The following FUBP1 variants were observed in gnomAD, a reference collection of about 807,000 sequenced individuals.
The protein encoded by FUBP1 is far upstream element-binding protein 1.
Under a neutral mutation model 94.9 loss-of-function variants are expected in FUBP1, and 16 were observed. The ratio of observed to expected loss-of-function variants is 0.17; its 90% confidence interval spans 0.11 to 0.26. The LOEUF (loss-of-function observed/expected upper bound fraction) is 0.26. FUBP1 is among the 10% of genes least tolerant of loss of function. FUBP1 has a pLI of 1.00. For missense variants in FUBP1, 583 were observed against 808.6 expected (o/e 0.72, Z 3.38); for synonymous variants, 279 against 254.9 (o/e 1.09, Z -0.90).
chr1:77,958,521 T>C (rs1239490199), intron 16 of FUBP1, among the ~76,000 whole-genome samples: 2 of 152,218 alleles, frequency 1.3e-5, no homozygotes, highest in African/African-American at 4.8e-5. Flanking sequence ...ATATAAGCAA[T>C]ATCCACCCCC....
intron 18 of FUBP1, 105 bp downstream of exon 18, chr1:77,955,150 T>C (rs909454167): frequency 4.9e-6 from 3 of 618,382 alleles, no homozygotes; most frequent in Admixed American, 6.6e-5. Flanking sequence ...ACTGTCTTGA[T>C]ATGTTTACAA....
chr1:77,952,230 C>T lies in FUBP1; in HGVS notation c.1781-2930G>A, dbSNP rs560588562. 2.6e-5 allele frequency among the ~76,000 whole-genome samples: 4 copies of T among 151,922 alleles called. No individual in the cohort carries two copies. The East Asian group carries it at 7.7e-4, about 29-fold the overall frequency. ...CTTCAGCCTGGGCGACAGGGAAAGGCTCCATCTCAAAAAAATAAAATAAAA... is the reference window on the plus strand; with the variant it reads ...CTTCAGCCTGGGCGACAGGGAAAGGTTCCATCTCAAAAAAATAAAATAAAA... On this transcript the variant is annotated intron_variant, in intron 18 of 19. Coordinates refer to ENST00000370768, the MANE Select transcript of FUBP1 (RefSeq NM_003902.5).
chr1:77,959,367 A>G (rs1342611418), intron 16 of FUBP1, among the ~76,000 whole-genome samples: 2 of 152,304 alleles, frequency 1.3e-5, no homozygotes, highest in East Asian at 3.9e-4. Flanking sequence ...GAAAATAATT[A>G]AACGTATTTG....
chr1:77,963,863 T>A (rs116034470), intron 12 of FUBP1, 148 bp from the exon 13 acceptor site: 8 of 727,910 alleles, frequency 1.1e-5, no homozygotes, highest in African/African-American at 7.1e-5. Flanking sequence ...TAACATTTTT[T>A]AAAATACAAG....
chr1:77,978,844 A>AC, intron 1 of FUBP1, 41 bp downstream of exon 1: 2 of 1,612,732 alleles, frequency 1.2e-6, no homozygotes, highest in Non-Finnish European at 1.7e-6. Flanking sequence ...GCGGCCAATT[A>AC]CCGTGAGCTT....
chr1:77,979,338 C>A (rs973844765), upstream of FUBP1: 1 of 284,570 alleles, frequency 3.5e-6, no homozygotes, highest in Non-Finnish European at 6.7e-6. Flanking sequence ...GTGATAGTGG[C>A]CAGTTGACTG....
intron 16 of FUBP1, among the ~76,000 whole-genome samples, chr1:77,958,485 T>C (rs981129345): frequency 1.3e-5 from 2 of 152,192 alleles, no homozygotes; most frequent in African/African-American, 4.8e-5. Context: ...CATATAATAT[T>C]AAAACAGTAT....
At position 77,947,982 on chromosome 1, in the gene FUBP1, C is replaced by G. The variant is rs1652533515; in HGVS notation, c.*784G>C. ...ACTACTCATATTCACTATCTGAAAA[C>G]TGTTTAAAATTAGTTATGCCGAAAC... On this transcript the variant is annotated 3_prime_UTR_variant, in exon 20 of 20. Transcript: ENST00000370768. The G allele has an allele frequency of 2.0e-6, 2 of 1,024,882 alleles. No individual in the cohort carries two copies. The highest frequency in any genetic ancestry group is 2.4e-6 in the Non-Finnish European group (2 of 846,666). 63.5% of individuals were successfully genotyped at this position (1,024,882 alleles called of 1,614,324 possible). A position where few individuals can be genotyped will look rare whatever the true frequency, so the allele number is the denominator to read the frequency against.
At chr1:77,955,548 T>G (rs867751588) in intron 17 of FUBP1, 7 of 459,988 alleles carry the variant, frequency 1.5e-5, no homozygotes, top group South Asian at 3.8e-5. Flanking sequence ...GTTTGAAGAC[T>G]GGTTATGTTG....
At position 77,963,564 on chromosome 1, in the gene FUBP1, A is replaced by T. The variant is rs749562183; in HGVS notation, c.1183+10T>A. On this transcript the variant is annotated intron_variant, in intron 13 of 19. Coordinates refer to ENST00000370768, the MANE Select transcript of FUBP1 (RefSeq NM_003902.5). ...ATGTGTTAAAACATTAAGAGTTTAA[A>T]ATACATTGCCTTTTCCTATTATTAA... 6.6e-7 allele frequency: 1 copy of T among 1,514,272 alleles called. No individual in the cohort carries two copies. The highest frequency in any genetic ancestry group is 1.4e-5 in the African/African-American group (1 of 72,970). 93.8% of individuals were successfully genotyped at this position (1,514,272 alleles called of 1,614,324 possible).
intron 16 of FUBP1, among the ~76,000 whole-genome samples, chr1:77,957,694 A>G: frequency 6.6e-6 from 1 of 152,236 alleles, no homozygotes; most frequent in East Asian, 1.9e-4. Flanking sequence ...ATTTCTAGAA[A>G]AAGAAAATTG....
At chr1:77,966,259 G>T (rs927407071) in intron 7 of FUBP1, among the ~76,000 whole-genome samples, 5 of 152,190 alleles carry the variant, frequency 3.3e-5, no homozygotes, top group Non-Finnish European at 5.9e-5. Context: ...AGCTTAAGTG[G>T]GAGAGCGTGG....
chr1:77,964,924 C>G lies in FUBP1; in HGVS notation c.681G>C (p.Gln227His). 1.9e-6 allele frequency: 3 copies of G among 1,613,050 alleles called. No homozygotes were observed. Among genetic ancestry groups the G allele is most frequent in the South Asian group, 1.1e-5 (1 of 91,054 alleles). Residue 227 changes from glutamine (Q) to histidine (H), a missense_variant, in exon 9 of 20, where the codon CAG becomes CAC. Transcript: ENST00000370768. ...TAAGAGGTTTGTCAGCACCAGTGTT[C>G]TGCGGCCCGTCTTGAATCATAACCA... is the stretch of plus-strand genomic sequence containing the variant. ...VKMVMIQDGP[Q>H]NTGADKPLRI...
rs1425699642 is a variant in FUBP1, at chr1:77,965,090, T to C, written c.615A>G (p.Gly205=). 1.2e-6 allele frequency: 2 copies of C among 1,611,284 alleles called. No homozygotes were observed. The highest frequency in any genetic ancestry group is 1.7e-6 in the Non-Finnish European group (2 of 1,177,726). The change falls in exon 8 of 20, where the codon GGA becomes GGG. Residue 205 remains glycine, a synonymous_variant. Transcript: ENST00000370768. ...SKAGLVIGKG[G]ETIKQLQERA... Reference sequence around the variant, plus strand: ...ATACCTGAAGCTGTTTAATAGTTTCTCCCCCTTTTCCAATGACTAATCCTG... The same window carrying C: ...ATACCTGAAGCTGTTTAATAGTTTCCCCCCCTTTTCCAATGACTAATCCTG...
In FUBP1 at chr1:77,947,855, T is replaced by C. The variant is rs766238694; in HGVS notation, c.*911A>G. The stretch of plus-strand genomic sequence containing the variant: ...GGCAGATGCAATGTAGCTATACTTT[T>C]TGCACACTATTCACTTTTCTATCCT... On this transcript the variant is annotated 3_prime_UTR_variant, in exon 20 of 20. Transcript: ENST00000370768. The C allele has an allele frequency of 8.9e-6, 10 of 1,117,394 alleles. No homozygotes were observed. In the Admixed American group the frequency reaches 3.0e-4, roughly 34 times the overall value. The allele number at this position is 1,117,394 out of a possible 1,614,324, so 69.2% of individuals were successfully genotyped here.
At chr1:77,952,648 T>G (rs1558024369) in intron 18 of FUBP1, among the ~76,000 whole-genome samples, 1 of 152,310 alleles carries the variant, frequency 6.6e-6, no homozygotes, top group East Asian at 1.9e-4. Flanking sequence ...CTGAACCAAG[T>G]TTTATGCTTT....
At chr1:77,964,188 T>A in intron 11 of FUBP1, 26 bp from the exon 12 acceptor site, 1 of 1,561,244 alleles carries the variant, frequency 6.4e-7, no homozygotes, top group Non-Finnish European at 8.8e-7. Flanking sequence ...ACAAAATTAA[T>A]TAAACAATAA....
intron 9 of FUBP1, 53 bp downstream of exon 9, chr1:77,964,817 G>T: frequency 6.8e-7 from 1 of 1,481,198 alleles, no homozygotes; most frequent in Non-Finnish European, 9.4e-7. Flanking sequence ...TGCATATTTT[G>T]CCCAACCCCA....
chr1:77,949,295 C>A lies in FUBP1; in HGVS notation c.1786G>T (p.Ala596Ser), dbSNP rs1364148521. 1 of 1,612,486 alleles carries A rather than the reference C, an allele frequency of 6.2e-7. No homozygotes were observed. The highest frequency in any genetic ancestry group is 1.1e-5 in the South Asian group (1 of 90,982). Residue 596 changes from alanine (A) to serine (S), a missense_variant, in exon 19 of 20, where the codon GCA becomes TCA. Coordinates refer to ENST00000370768, the MANE Select transcript of FUBP1 (RefSeq NM_003902.5). ...WEEYYKKMGQ[A>S]VPAPTGAPPG... ...GGAGCCCCAGTCGGAGCAGGAACTG[C>A]CTGACCTTTGAAAAAAAAGAACTTT...
Sources: allele counts gnomAD v4.1 joint callset (sites outside exome capture counted in the v4.1 genomes callset), GRCh38; gene constraint gnomAD v4.1.1; transcripts MANE v1.5; gene names NCBI Gene and HGNC (gene_info 2026-07-23, HGNC 2026-07-21).